Variants in SP4 observed in about 807,000 individuals in gnomAD.
The protein encoded by SP4 is Sp4 transcription factor, also known as transcription factor Sp4.
In SP4, 19 loss-of-function variants were observed where a neutral mutation model predicts 72.8. The ratio of observed to expected loss-of-function variants is 0.26; its 90% CI spans 0.18 to 0.38. SP4 has a LOEUF of 0.38. Ranked by LOEUF, SP4 falls within the 10% of genes least tolerant of loss-of-function variation. The pLI, the probability that SP4 is intolerant of heterozygous loss-of-function variation, is 1.00. For missense variants in SP4, 1,008 were observed against 926.3 expected, an observed-to-expected ratio of 1.09 and a Z score of -1.14; for synonymous variants, 395 against 333.1, an observed-to-expected ratio of 1.19 and a Z score of -2.02.
intron 3 of SP4, among the ~76,000 whole-genome samples, chr7:21,476,638 C>T (rs1001950453): frequency 7.2e-5 from 11 of 152,284 alleles, no homozygotes; most frequent in Non-Finnish European, 1.3e-4. Flanking sequence ...TGTTTAGTGA[C>T]TTTTCACTCC....
chr7:21,440,197 A>G (rs1478765064), intron 3 of SP4, among the ~76,000 whole-genome samples: 3 of 152,202 alleles, frequency 2.0e-5, no homozygotes, highest in South Asian at 4.2e-4. Context: ...GGCAAACATC[A>G]TAATTGTAGT....
At chr7:21,442,006 TTGTGTGTGTG>T (rs58100749) in intron 3 of SP4, among the ~76,000 whole-genome samples, 42,516 of 130,346 alleles carry the variant, frequency 0.33, 7,336 homozygotes, top group Non-Finnish European at 0.37. Context: ...GTGTGTGTGT[TTGTGTGTGTG>T]TGTGTGTGTG....
intron 3 of SP4, chr7:21,471,184 A>C (rs1784331315): frequency 1.9e-6 from 1 of 529,826 alleles, no homozygotes; most frequent in East Asian, 5.5e-5. Context: ...GAGTTAGATC[A>C]TGAAGAACTT....
At chr7:21,493,315 A>G (rs1309379198) in intron 5 of SP4, among the ~76,000 whole-genome samples, 1 of 152,224 alleles carries the variant, frequency 6.6e-6, no homozygotes, top group Non-Finnish European at 1.5e-5. Flanking sequence ...TGGGCCAAGA[A>G]AAAGTTTCAA....
At chr7:21,494,967 G>C (rs1376512700) in intron 5 of SP4, among the ~76,000 whole-genome samples, 14 of 152,082 alleles carry the variant, frequency 9.2e-5, no homozygotes, top group Admixed American at 7.9e-4. Context: ...TCCACACACA[G>C]GGTGCAAAAA....
intron 3 of SP4, among the ~76,000 whole-genome samples, chr7:21,470,547 C>A (rs573619229): frequency 6.6e-6 from 1 of 152,146 alleles, no homozygotes; most frequent in African/African-American, 2.4e-5. Context: ...CTAAACCTGA[C>A]TTTCCTTTCT....
chr7:21,486,892 T>C (rs549037018), intron 5 of SP4, among the ~76,000 whole-genome samples: 58 of 152,148 alleles, frequency 3.8e-4, no homozygotes, highest in Admixed American at 5.9e-4. Context: ...ATAATTACTA[T>C]TTTAGAGGAG....
chr7:21,507,854 A>G (rs1782041228), intron 5 of SP4, among the ~76,000 whole-genome samples: 3 of 151,672 alleles, frequency 2.0e-5, no homozygotes, highest in Non-Finnish European at 4.4e-5. Context: ...CACTTCATCC[A>G]TTCTCTGGCC....
Position 21,430,468 on chromosome 7 carries a change from A to C in SP4, c.1303A>C (p.Thr435Pro), listed in dbSNP as rs1583368837. 1 of 1,614,210 alleles carries C rather than the reference A, an allele frequency of 6.2e-7. No individual in the cohort carries two copies. Among genetic ancestry groups the C allele is most frequent in the Admixed American group, 1.7e-5 (1 of 60,026 alleles). The change falls in exon 3 of 6, where the codon ACC becomes CCC. Residue 435 changes from threonine (T) to proline (P), a missense_variant. This residue lies in a region of SP4 where 893 missense variants were observed against 743.3 expected (regional missense o/e 1.20). Coordinates refer to ENST00000222584, the MANE Select transcript of SP4 (RefSeq NM_003112.5). ...FQLQSGQTIQ[T>P]IQQQPLQNVQ... ...ACTCCAGTCAGGGCAGACGATTCAG[A>C]CCATCCAGCAGCAGCCTTTACAGAA... is the stretch of plus-strand genomic sequence containing the variant.
chr7:21,432,223 C>T lies in SP4; in HGVS notation c.1678+1380C>T, dbSNP rs373745527. The stretch of plus-strand genomic sequence containing the variant: ...AGTCATCTAGTTAGTGTTTCCATTG[C>T]GGTACTTTTTCTCCTAAAACTATTA... On this transcript the variant is annotated intron_variant, in intron 3 of 5. Coordinates refer to ENST00000222584, the MANE Select transcript of SP4 (RefSeq NM_003112.5). Among the ~76,000 whole-genome samples, 19 of 152,242 alleles carry T rather than the reference C, an allele frequency of 1.2e-4. No individual in the cohort carries two copies. In the South Asian group the frequency reaches 2.5e-3, roughly 20 times the overall value.
chr7:21,449,572 C>T (rs535508676), intron 3 of SP4, among the ~76,000 whole-genome samples: 2 of 151,906 alleles, frequency 1.3e-5, no homozygotes, highest in Admixed American at 6.6e-5. Context: ...TTTAAGTATA[C>T]GTGTGTGTAT....
chr7:21,490,698 A>T, intron 5 of SP4, among the ~76,000 whole-genome samples: 1 of 119,896 alleles, frequency 8.3e-6, no homozygotes, highest in African/African-American at 3.1e-5. Context: ...CCTGGGTTCA[A>T]CCTTGCACTG....
chr7:21,509,904 C>T (rs1782099098), intron 5 of SP4, among the ~76,000 whole-genome samples: 1 of 152,126 alleles, frequency 6.6e-6, no homozygotes, highest in South Asian at 2.1e-4. Flanking sequence ...CTTACAGTTC[C>T]ACATGGCTGG....
chr7:21,480,323 T>A (rs1784648877), intron 4 of SP4, among the ~76,000 whole-genome samples: 1 of 152,216 alleles, frequency 6.6e-6, no homozygotes, highest in African/African-American at 2.4e-5. Context: ...CTTTAAATGT[T>A]TTGTGGAATT....
intron 3 of SP4, among the ~76,000 whole-genome samples, chr7:21,468,890 C>T (rs998901904): frequency 6.6e-6 from 1 of 152,052 alleles, no homozygotes; most frequent in Admixed American, 6.6e-5. Context: ...TTCTCATGCT[C>T]CATGAGATGA....
At chr7:21,465,289 A>G (rs1784131777) in intron 3 of SP4, among the ~76,000 whole-genome samples, 1 of 152,196 alleles carries the variant, frequency 6.6e-6, no homozygotes, top group African/African-American at 2.4e-5. Flanking sequence ...ATTGATAGAC[A>G]GGTGTTACTG....
intron 4 of SP4, 109 bp from the exon 5 acceptor site, chr7:21,481,815 A>G: frequency 1.3e-6 from 1 of 782,970 alleles, no homozygotes; most frequent in Non-Finnish European, 2.1e-6. Flanking sequence ...TCATGATCAA[A>G]CCTATTCAGA....
At chr7:21,463,076 CTT>C (rs578120285) in intron 3 of SP4, among the ~76,000 whole-genome samples, 60 of 137,632 alleles carry the variant, frequency 4.4e-4, no homozygotes, top group Admixed American at 5.8e-4. Context: ...AATAACTTTT[CTT>C]TTTTTTTTTT....
At chr7:21,475,401 A>G (rs1247070190) in intron 3 of SP4, among the ~76,000 whole-genome samples, 4 of 151,994 alleles carry the variant, frequency 2.6e-5, no homozygotes, top group Non-Finnish European at 5.9e-5. Context: ...GGCCTGAGCC[A>G]CCACGCCTGG....
Sources: gnomAD v4.1 joint callset for allele counts (sites outside exome capture counted in the v4.1 genomes callset) on GRCh38, gnomAD v4.1.1 for gene constraint, gnomAD v4.1.1 regional missense constraint, MANE v1.5 for transcripts, NCBI Gene and HGNC (gene_info 2026-07-23, HGNC 2026-07-21) for gene names.